Variants in HADH observed in about 807,000 individuals in gnomAD.
HADH encodes hydroxyacyl-coenzyme A dehydrogenase, mitochondrial.
HADH carries 24 observed loss-of-function variants against 32.2 expected under a neutral mutation model. That is an observed-to-expected ratio of 0.75 (90% CI 0.54 to 1.05). HADH has a LOEUF of 1.05. Among genes scored for constraint, HADH ranks in the 50% least tolerant of loss-of-function variants. The pLI is 0.00. For synonymous variants in HADH, 139 were observed against 152.5 expected (o/e 0.91, Z 0.65); for missense variants, 350 against 397.1 (o/e 0.88, Z 1.01).
chr4:108,027,620 G>A, intron 5 of HADH, 68 bp from the exon 6 acceptor site: 1 of 977,262 alleles, frequency 1.0e-6, no homozygotes, highest in Non-Finnish European at 1.7e-6. Context: ...GGGCAATTTG[G>A]TGACTTCACA....
chr4:108,004,793 G>A (rs1370856637), intron 1 of HADH: 1 of 1,535,978 alleles, frequency 6.5e-7, no homozygotes, highest in Non-Finnish European at 8.7e-7. Flanking sequence ...ACAGCCTTAG[G>A]AGTTACTACA....
chr4:107,990,036 G>T lies in HADH; in HGVS notation c.104G>T (p.Gly35Val). Residue 35 changes from glycine (G) to valine (V), a missense_variant, in exon 1 of 8, where the codon GGC (glycine) becomes GTC (valine). Transcript: ENST00000309522. Reference sequence around the variant, plus strand: ...GTCAAGCACGTGACGGTCATCGGCGGCGGGCTGATGGGCGCCGGCATTGCC... The same window carrying T: ...GTCAAGCACGTGACGGTCATCGGCGTCGGGCTGATGGGCGCCGGCATTGCC... Reference protein sequence around the residue: ...IIVKHVTVIGGGLMGAGIAQV... With the variant: ...IIVKHVTVIGVGLMGAGIAQV... 2 of 1,611,174 alleles carry T rather than the reference G, an allele frequency of 1.2e-6. No homozygotes were observed. Among genetic ancestry groups the T allele is most frequent in the South Asian group, 1.1e-5 (1 of 90,546 alleles).
intron 1 of HADH, chr4:108,005,143 C>T (rs17439240): frequency 0.042 from 13,936 of 330,630 alleles, 327 homozygotes; most frequent in Non-Finnish European, 0.054. Context: ...TTAAATCAAG[C>T]CATTGTTTTT....
intron 3 of HADH, among the ~76,000 whole-genome samples, chr4:108,017,379 A>G (rs4446407): frequency 6.6e-6 from 1 of 152,002 alleles, no homozygotes; most frequent in Non-Finnish European, 1.5e-5. Context: ...ATCCCCACCA[A>G]CCCTCTTGTC....
Position 107,997,449 on chromosome 4 carries a change from C to T in HADH, c.132+7385C>T, listed in dbSNP as rs148282102. ...GCTTCAAATCTTCTTGATACATTTA[C>T]AAAGATAAATAAATCCAGTGTGCTT... On this transcript the variant is annotated intron_variant, in intron 1 of 7. Coordinates refer to ENST00000309522, the MANE Select transcript of HADH (RefSeq NM_005327.7). 5.1e-4 allele frequency among the ~76,000 whole-genome samples: 78 copies of T among 152,212 alleles called. No individual in the cohort carries two copies. The East Asian group carries it at 7.9e-3, about 15-fold the overall frequency.
intron 1 of HADH, among the ~76,000 whole-genome samples, chr4:108,002,273 A>G (rs1012705867): frequency 6.6e-6 from 1 of 152,206 alleles, no homozygotes; most frequent in Non-Finnish European, 1.5e-5. Flanking sequence ...CATCACTTGC[A>G]TTGCTACCTG....
chr4:108,014,701 G>T, intron 3 of HADH, 113 bp downstream of exon 3: 1 of 935,606 alleles, frequency 1.1e-6, no homozygotes. Flanking sequence ...TTTGTTCCAT[G>T]CCTATATTGT....
chr4:108,029,950 C>G (rs1736203578), intron 6 of HADH: 3 of 152,354 alleles, frequency 2.0e-5, no homozygotes, highest in African/African-American at 7.2e-5. Flanking sequence ...CTGTGTCTGA[C>G]AGTGGACTGC....
Position 108,034,519 on chromosome 4 carries a change from T to G in HADH, c.*162T>G, listed in dbSNP as rs1736395438. 1.5e-6 allele frequency: 1 copy of G among 687,164 alleles called. No homozygotes were observed. Among genetic ancestry groups the G allele is most frequent in the Non-Finnish European group, 2.7e-6 (1 of 367,882 alleles). The allele number at this position is 687,164 out of a possible 1,614,324, so 42.6% of individuals were successfully genotyped here. On this transcript the variant is annotated 3_prime_UTR_variant, in exon 8 of 8. Transcript: ENST00000309522. ...CTATCGAAGTGATTATTACACCAGT[T>G]ACAGCAGTAATAGATTCTCCATTAA...
intron 5 of HADH, chr4:108,024,393 T>C (rs1300757037): frequency 2.6e-5 from 4 of 152,272 alleles, no homozygotes; most frequent in Non-Finnish European, 5.9e-5. Context: ...TGTATCATTA[T>C]AGTTCTCATA....
chr4:108,018,427 T>C (rs1444922562), intron 3 of HADH, among the ~76,000 whole-genome samples: 2 of 151,542 alleles, frequency 1.3e-5, no homozygotes, highest in Non-Finnish European at 2.9e-5. Flanking sequence ...TAAAACAATG[T>C]CATTTTTTTT....
At chr4:108,032,054 T>C (rs981320536) in intron 6 of HADH, 1 of 334,206 alleles carries the variant, frequency 3.0e-6, no homozygotes, top group East Asian at 4.4e-5. Flanking sequence ...TAGTAATTTA[T>C]TTGCTTTTAA....
At chr4:108,010,754 G>T (rs1267778661) in intron 2 of HADH, among the ~76,000 whole-genome samples, 1 of 151,908 alleles carries the variant, frequency 6.6e-6, no homozygotes. Flanking sequence ...TCATGTAAGT[G>T]GAATCATACA....
At chr4:108,009,074 A>C (rs991187362) in intron 1 of HADH, among the ~76,000 whole-genome samples, 1 of 152,140 alleles carries the variant, frequency 6.6e-6, no homozygotes, top group Non-Finnish European at 1.5e-5. Context: ...GCCCATCCTA[A>C]ATTAGCTGAT....
intron 1 of HADH, chr4:108,004,675 G>A (rs550142677): frequency 2.6e-6 from 4 of 1,521,808 alleles, no homozygotes; most frequent in South Asian, 2.4e-5. Flanking sequence ...AAAGAGGTTG[G>A]CCTCAGCAGC....
intron 3 of HADH, among the ~76,000 whole-genome samples, chr4:108,018,785 G>A (rs1189249902): frequency 6.6e-6 from 1 of 152,118 alleles, no homozygotes; most frequent in Non-Finnish European, 1.5e-5. Context: ...TGGCGCTGCA[G>A]GAAAGCCTGG....
chr4:107,997,972 G>A (rs114800199), intron 1 of HADH, among the ~76,000 whole-genome samples: 1,714 of 152,238 alleles, frequency 0.011, 17 homozygotes, highest in Non-Finnish European at 0.015. Flanking sequence ...AAGAGGTTAC[G>A]TTATCAGGAG....
intron 2 of HADH, among the ~76,000 whole-genome samples, chr4:108,012,964 G>A (rs756485385): frequency 2.0e-4 from 30 of 152,290 alleles, no homozygotes; most frequent in Middle Eastern, 3.4e-3. Context: ...GAGGAGTCTT[G>A]CTCTGTAGCC....
At chr4:107,991,034 C>T (rs867701235) in intron 1 of HADH, among the ~76,000 whole-genome samples, 1 of 152,334 alleles carries the variant, frequency 6.6e-6, no homozygotes, top group Non-Finnish European at 1.5e-5. Flanking sequence ...AGCCACTGCA[C>T]CCAGCCGGAA....
Sources: allele counts gnomAD v4.1 joint callset (sites outside exome capture counted in the v4.1 genomes callset), GRCh38; gene constraint gnomAD v4.1.1; transcripts MANE v1.5; gene names NCBI Gene and HGNC (gene_info 2026-07-23, HGNC 2026-07-21).